The following PCDH9 variants were observed in gnomAD, a reference collection of about 807,000 sequenced individuals.
The protein encoded by PCDH9 is protocadherin 9.
PCDH9 carries 24 observed loss-of-function variants against 70.6 expected under a neutral mutation model. The ratio of observed to expected loss-of-function variants is 0.34; its 90% confidence interval spans 0.25 to 0.48. PCDH9 has a LOEUF of 0.48. PCDH9 is among the 20% of genes least tolerant of loss of function. PCDH9 has a pLI of 0.99. For synonymous variants in PCDH9, 562 were observed against 558.5 expected (o/e 1.01, Z -0.09); for missense variants, 1,281 against 1,503.6 (o/e 0.85, Z 2.45).
At chr13:66,623,020 C>T (rs1429390218) in intron 4 of PCDH9, among the ~76,000 whole-genome samples, 1 of 152,182 alleles carries the variant, frequency 6.6e-6, no homozygotes, top group Admixed American at 6.5e-5. Context: ...TCTGCAGCTT[C>T]ACTCCTGAAG....
At chr13:66,326,822 G>T (rs1468882770) in intron 4 of PCDH9, among the ~76,000 whole-genome samples, 2 of 151,144 alleles carry the variant, frequency 1.3e-5, no homozygotes, top group African/African-American at 4.9e-5. Flanking sequence ...AAAAATAAAT[G>T]TATGAATTTA....
At chr13:66,897,815 C>T (rs2082208337) in intron 3 of PCDH9, among the ~76,000 whole-genome samples, 2 of 152,158 alleles carry the variant, frequency 1.3e-5, no homozygotes, top group Admixed American at 1.3e-4. Flanking sequence ...ACACATTTCA[C>T]ATAACAGATC....
intron 4 of PCDH9, among the ~76,000 whole-genome samples, chr13:66,487,116 A>G (rs1338863429): frequency 6.6e-6 from 1 of 152,250 alleles, no homozygotes; most frequent in African/African-American, 2.4e-5. Context: ...ATATCAAAAT[A>G]ACAATAAATA....
chr13:66,488,202 A>G (rs745896296), intron 4 of PCDH9, among the ~76,000 whole-genome samples: 2 of 152,214 alleles, frequency 1.3e-5, no homozygotes, highest in Non-Finnish European at 2.9e-5. Flanking sequence ...CGCTGAAATC[A>G]AGCCAATGTG....
At chr13:67,127,698 G>GTGTA (rs1566441830) in intron 2 of PCDH9, among the ~76,000 whole-genome samples, 1 of 151,222 alleles carries the variant, frequency 6.6e-6, no homozygotes, top group Non-Finnish European at 1.5e-5. Context: ...GTGTGTGTGT[G>GTGTA]TGTATGTGTG....
intron 3 of PCDH9, among the ~76,000 whole-genome samples, chr13:66,770,178 T>C (rs2079783910): frequency 6.6e-6 from 1 of 152,066 alleles, no homozygotes; most frequent in African/African-American, 2.4e-5. Flanking sequence ...AAGATACTAC[T>C]TATATAATTT....
At chr13:67,120,106 T>C (rs999740266) in intron 2 of PCDH9, among the ~76,000 whole-genome samples, 2 of 151,654 alleles carry the variant, frequency 1.3e-5, no homozygotes, top group Non-Finnish European at 2.9e-5. Context: ...CTTTCTACTG[T>C]TTCCCAAGCC....
intron 2 of PCDH9, among the ~76,000 whole-genome samples, chr13:67,088,459 A>G (rs1324032397): frequency 6.6e-6 from 1 of 152,036 alleles, no homozygotes; most frequent in Non-Finnish European, 1.5e-5. Context: ...ATCACCCAGG[A>G]TTCTTCCTAG....
chr13:66,501,096 C>G (rs1959174773), intron 4 of PCDH9, among the ~76,000 whole-genome samples: 1 of 151,988 alleles, frequency 6.6e-6, no homozygotes, highest in African/African-American at 2.4e-5. Context: ...TAACTTTAAT[C>G]AGCAGAAATC....
chr13:67,182,147 C>T (rs1324416947), intron 2 of PCDH9, among the ~76,000 whole-genome samples: 2 of 152,154 alleles, frequency 1.3e-5, no homozygotes, highest in East Asian at 3.9e-4. Context: ...CTGCTATATC[C>T]TCCTTCTCAG....
At chr13:66,899,579 A>C (rs1020547788) in intron 3 of PCDH9, among the ~76,000 whole-genome samples, 1 of 152,022 alleles carries the variant, frequency 6.6e-6, no homozygotes, top group South Asian at 2.1e-4. Context: ...GTGAATTCCA[A>C]TAACTATGAG....
intron 3 of PCDH9, among the ~76,000 whole-genome samples, chr13:66,719,286 G>T (rs1270642533): frequency 6.6e-6 from 1 of 152,042 alleles, no homozygotes; most frequent in Non-Finnish European, 1.5e-5. Flanking sequence ...ATTAAAGATT[G>T]CTGTGGTTTG....
At chr13:66,575,953 A>G (rs1286815785) in intron 4 of PCDH9, among the ~76,000 whole-genome samples, 1 of 152,068 alleles carries the variant, frequency 6.6e-6, no homozygotes, top group African/African-American at 2.4e-5. Flanking sequence ...TTGTACCACA[A>G]TTAGCACATA....
chr13:66,961,507 T>C (rs1309573956), intron 2 of PCDH9, among the ~76,000 whole-genome samples: 1 of 152,172 alleles, frequency 6.6e-6, no homozygotes, highest in Non-Finnish European at 1.5e-5. Context: ...ATTAAATCAA[T>C]GAAAGGCTGG....
At chr13:66,851,389 C>A (rs570681669) in intron 3 of PCDH9, among the ~76,000 whole-genome samples, 1 of 149,372 alleles carries the variant, frequency 6.7e-6, no homozygotes, top group Non-Finnish European at 1.5e-5. Context: ...CAAAACTTCT[C>A]AAAAAAAAAT....
intron 3 of PCDH9, among the ~76,000 whole-genome samples, chr13:66,769,218 GA>G (rs891072524): frequency 2.7e-5 from 4 of 150,526 alleles, no homozygotes; most frequent in Non-Finnish European, 4.4e-5. Flanking sequence ...AGTGAAATAT[GA>G]AAAAAAAATG....
At chr13:67,084,309 T>G (rs956942837) in intron 2 of PCDH9, among the ~76,000 whole-genome samples, 1 of 152,146 alleles carries the variant, frequency 6.6e-6, no homozygotes, top group African/African-American at 2.4e-5. Flanking sequence ...CTGTTCTAAA[T>G]TCTTCCTAGG....
chr13:66,319,065 G>A (rs1045702564), intron 4 of PCDH9, among the ~76,000 whole-genome samples: 3 of 152,218 alleles, frequency 2.0e-5, no homozygotes, highest in East Asian at 1.9e-4. Context: ...TCACAGATCC[G>A]CATGGCTGGG....
intron 3 of PCDH9, among the ~76,000 whole-genome samples, chr13:66,724,191 T>C (rs529704531): frequency 1.3e-5 from 2 of 152,230 alleles, no homozygotes; most frequent in Admixed American, 6.5e-5. Flanking sequence ...TAATACTGAA[T>C]GTCTGTACAC....
Sources: allele counts gnomAD v4.1 joint callset (sites outside exome capture counted in the v4.1 genomes callset), GRCh38; gene constraint gnomAD v4.1.1; transcripts MANE v1.5; gene names NCBI Gene and HGNC (gene_info 2026-07-23, HGNC 2026-07-21).